The following SCGB2B2 variants were observed in gnomAD, a reference collection of about 807,000 sequenced individuals.
The protein encoded by SCGB2B2 is secretoglobin family 2B member 2, also known as secretoglobin-like protein.
A neutral mutation model predicts 7.6 loss-of-function variants in SCGB2B2; 11 were observed. That is an observed-to-expected ratio of 1.45 (90% CI 0.91 to 2.40). The LOEUF is 2.40. Ranked by LOEUF, SCGB2B2 falls within the 30% of genes most tolerant of loss-of-function variation. The probability of loss-of-function intolerance (pLI) is 0.00; values close to 1 mark genes in which losing one functional copy is unlikely to be tolerated. For missense variants in SCGB2B2, 104 were observed against 115.4 expected (o/e 0.90, Z 0.45); for synonymous variants, 50 against 48.6 (o/e 1.03, Z -0.12).
At chr19:34,615,443 T>C (rs1336294212) in intron 1 of SCGB2B2, among the ~76,000 whole-genome samples, 2 of 151,802 alleles carry the variant, frequency 1.3e-5, no homozygotes, top group East Asian at 3.9e-4. Context: ...TCCAGCATTT[T>C]TTTTTTTTTT....
chr19:34,637,819 G>C (rs1279056968), intron 1 of SCGB2B2: 1 of 152,174 alleles, frequency 6.6e-6, no homozygotes, highest in Non-Finnish European at 1.5e-5. Flanking sequence ...ACCACCCGAT[G>C]GGCTATTTAA....
chr19:34,640,340 G>A (rs1367724474), intron 1 of SCGB2B2: 2 of 151,966 alleles, frequency 1.3e-5, no homozygotes, highest in African/African-American at 4.8e-5. Flanking sequence ...CAAACTCCTG[G>A]GCTCAAGTGA....
chr19:34,603,747 A>C (rs1217899611), intron 1 of SCGB2B2, among the ~76,000 whole-genome samples: 1 of 151,870 alleles, frequency 6.6e-6, no homozygotes, highest in Non-Finnish European at 1.5e-5. Context: ...ACCTAATTTA[A>C]AATACAGACA....
chr19:34,586,655 C>T (rs59771113), downstream of SCGB2B2, among the ~76,000 whole-genome samples: 2 of 152,184 alleles, frequency 1.3e-5, no homozygotes, highest in African/African-American at 2.4e-5. Context: ...TTTTGATGTA[C>T]GTTTATTTCC....
chr19:34,594,644 T>G lies in SCGB2B2; in HGVS notation c.-81A>C. On this transcript the variant is annotated 5_prime_UTR_variant, in exon 2 of 4. It removes an upstream start codon present in the reference 5' UTR. Coordinates refer to ENST00000601241, the MANE Select transcript of SCGB2B2 (RefSeq NM_001025591.4). ...TTTATGTATATCTGAACAAGGCACA[T>G]GCCTCTTCGTGTGTGTGTGTGTGTG... is the stretch of plus-strand genomic sequence containing the variant. The G allele has an allele frequency of 1.1e-6, 1 of 950,892 alleles. No individual in the cohort carries two copies. Among genetic ancestry groups the G allele is most frequent in the Non-Finnish European group, 1.7e-6 (1 of 594,648 alleles). 58.9% of individuals were successfully genotyped at this position (950,892 alleles called of 1,614,324 possible). A position where few individuals can be genotyped will look rare whatever the true frequency, so the allele number is the denominator to read the frequency against.
At chr19:34,622,797 C>T (rs1368278942) in intron 1 of SCGB2B2, among the ~76,000 whole-genome samples, 1 of 152,050 alleles carries the variant, frequency 6.6e-6, no homozygotes, top group Non-Finnish European at 1.5e-5. Flanking sequence ...TTAGGGGCTG[C>T]CTGAGTAATA....
chr19:34,668,435 C>A (rs954036552), intron 1 of SCGB2B2, among the ~76,000 whole-genome samples: 1 of 152,234 alleles, frequency 6.6e-6, no homozygotes, highest in Non-Finnish European at 1.5e-5. Context: ...GCCTCTCCCC[C>A]TCCTCTGTGG....
downstream of SCGB2B2, among the ~76,000 whole-genome samples, chr19:34,588,720 G>A (rs1428229239): frequency 6.6e-6 from 1 of 152,170 alleles, no homozygotes; most frequent in East Asian, 1.9e-4. Flanking sequence ...AGTGTCTAGT[G>A]AAGTCACGCA....
chr19:34,587,272 T>C (rs1480808252), downstream of SCGB2B2, among the ~76,000 whole-genome samples: 6 of 152,206 alleles, frequency 3.9e-5, no homozygotes, highest in Admixed American at 3.9e-4. Flanking sequence ...CTAATTATGA[T>C]CTTACATTTT....
intron 1 of SCGB2B2, among the ~76,000 whole-genome samples, chr19:34,629,613 A>G (rs2066471828): frequency 6.6e-6 from 1 of 152,016 alleles, no homozygotes; most frequent in African/African-American, 2.4e-5. Flanking sequence ...TCAATGAAAT[A>G]AAAGAGGATA....
chr19:34,636,377 C>T (rs951140913), intron 1 of SCGB2B2, among the ~76,000 whole-genome samples: 4 of 152,138 alleles, frequency 2.6e-5, no homozygotes, highest in East Asian at 1.9e-4. Context: ...AAGGGCACAG[C>T]GATGGGATGC....
At position 34,613,105 on chromosome 19, in the gene SCGB2B2, T is replaced by C. The variant is rs940548724; in HGVS notation, c.-2031-16511A>G. Among the ~76,000 whole-genome samples the C allele has an allele frequency of 4.9e-3, 20 of 4,116 alleles. No individual in the cohort carries two copies. The African/African-American group carries it at 0.077, about 16-fold the overall frequency. 2.7% of individuals were successfully genotyped at this position (4,116 alleles called of 152,430 possible). A position where few individuals can be genotyped will look rare whatever the true frequency, so the allele number is the denominator to read the frequency against. On this transcript the variant is annotated intron_variant, in intron 1 of 3. Coordinates refer to ENST00000601241, the MANE Select transcript of SCGB2B2 (RefSeq NM_001025591.4). The stretch of plus-strand genomic sequence containing the variant: ...TTCCATCTCTTCATTTTCTTTTCTT[T>C]TTTTTTTTTTTGAGATGGAGTTTCA...
At chr19:34,627,688 C>T (rs1386317128) in intron 1 of SCGB2B2, among the ~76,000 whole-genome samples, 3 of 152,320 alleles carry the variant, frequency 2.0e-5, no homozygotes, top group African/African-American at 7.2e-5. Flanking sequence ...ACAAACATCC[C>T]ACTGTCAACA....
chr19:34,632,591 A>T (rs2066564509), intron 1 of SCGB2B2: 1 of 152,204 alleles, frequency 6.6e-6, no homozygotes, highest in African/African-American at 2.4e-5. Flanking sequence ...TTAAACACTG[A>T]CCATACCAAG....
At chr19:34,604,948 A>G (rs921732773) in intron 1 of SCGB2B2, among the ~76,000 whole-genome samples, 26 of 152,220 alleles carry the variant, frequency 1.7e-4, no homozygotes, top group African/African-American at 5.8e-4. Context: ...AAAACCAGAA[A>G]ATTACCACCA....
intron 1 of SCGB2B2, chr19:34,632,891 C>T (rs11667217): frequency 0.32 from 48,003 of 152,196 alleles, 8,413 homozygotes; most frequent in Middle Eastern, 0.47. Flanking sequence ...AGTCTACAGC[C>T]CCAATTACCT....
At chr19:34,674,312 G>A (rs1452420959) in intron 1 of SCGB2B2, among the ~76,000 whole-genome samples, 1 of 152,154 alleles carries the variant, frequency 6.6e-6, no homozygotes, top group East Asian at 1.9e-4. Context: ...CTCTAGAAGA[G>A]AAAGGCACTT....
intron 1 of SCGB2B2, among the ~76,000 whole-genome samples, chr19:34,657,389 TA>T (rs977807704): frequency 6.6e-6 from 1 of 150,596 alleles, no homozygotes; most frequent in African/African-American, 2.5e-5. Context: ...AGGCTCAAAA[TA>T]AAGGGATGGA....
At chr19:34,653,470 T>C (rs1455947071) in intron 1 of SCGB2B2, among the ~76,000 whole-genome samples, 1 of 151,126 alleles carries the variant, frequency 6.6e-6, no homozygotes, top group African/African-American at 2.5e-5. Flanking sequence ...CTGTAACCCA[T>C]AAATATATAC....
Sources: allele counts gnomAD v4.1 joint callset (sites outside exome capture counted in the v4.1 genomes callset), GRCh38; gene constraint gnomAD v4.1.1; transcripts MANE v1.5; gene names NCBI Gene and HGNC (gene_info 2026-07-23, HGNC 2026-07-21).